BTN2A2: variants seen among roughly 807,000 people sequenced by gnomAD.
BTN2A2 encodes the protein butyrophilin subfamily 2 member A2.
Under a neutral mutation model 34.7 loss-of-function variants are expected in BTN2A2, and 29 were observed. The observed-to-expected ratio is 0.84, with a 90% CI of 0.62 to 1.14. The LOEUF is 1.14. BTN2A2 is among the 50% of genes most tolerant of loss of function. The pLI is 0.00. For missense variants in BTN2A2, 612 were observed against 651.5 expected, an observed-to-expected ratio of 0.94 and a Z score of 0.66; for synonymous variants, 240 against 253.1, an observed-to-expected ratio of 0.95 and a Z score of 0.49.
Position 26,392,569 on chromosome 6 carries a change from A to G in BTN2A2, c.1174A>G (p.Met392Val). The G allele has an allele frequency of 6.2e-7, 1 of 1,614,134 alleles. No individual in the cohort carries two copies. The highest frequency in any genetic ancestry group is 8.5e-7 in the Non-Finnish European group (1 of 1,180,002). The change falls in exon 8 of 8, where the codon ATG becomes GTG. Residue 392 changes from methionine to valine, a missense_variant. Met to Val is a conservative substitution (Grantham distance 21, BLOSUM62 1). Transcript: ENST00000356709. ...CTGGGAGGTGGAGGTGGAAAACGTG[A>G]TGGTGTGGACTGTGGGGGTCTGCAG... ...HYWEVEVENVMVWTVGVCRHS... is the reference protein window; with the variant it reads ...HYWEVEVENVVVWTVGVCRHS...
Position 26,390,054 on chromosome 6 carries a change from C to T in BTN2A2, c.774C>T (p.Ile258=), listed in dbSNP as rs1467533745. ...CCTGGATGGTGGCCCTAGCTGTCAT[C>T]CTGACCGCATCTCCCTGGATGGTGT... ...ASPWMVALAV[I]LTASPWMVSM... The change falls in exon 5 of 8, where the codon ATC becomes ATT. Residue 258 remains isoleucine, a synonymous_variant. Transcript: ENST00000356709. 1.3e-5 allele frequency: 21 copies of T among 1,614,044 alleles called. No homozygotes were observed. The highest frequency in any genetic ancestry group is 5.3e-5 in the African/African-American group (4 of 74,908).
rs562989262 is a variant in BTN2A2, at chr6:26,390,792, G to T, written c.953-11G>T. 1 of 1,614,116 alleles carries T rather than the reference G, an allele frequency of 6.2e-7. No individual in the cohort carries two copies. Among genetic ancestry groups the T allele is most frequent in the Non-Finnish European group, 8.5e-7 (1 of 1,180,048 alleles). ...TGTCTCGTGACATTCACCTCTGTCT[G>T]TCCCTTGCAGGATGGAGAAGAACAT... is the stretch of plus-strand genomic sequence containing the variant. On this transcript the variant is annotated splice_polypyrimidine_tract_variant and intron_variant, in intron 6 of 7. Coordinates refer to ENST00000356709, the MANE Select transcript of BTN2A2 (RefSeq NM_006995.5).
intron 3 of BTN2A2, 189 bp downstream of exon 3, chr6:26,385,551 T>TC (rs1761141447): frequency 1.7e-6 from 1 of 573,236 alleles, no homozygotes. Flanking sequence ...AGGTTTCACT[T>TC]CTTTTTTTTT....
intron 4 of BTN2A2, 70 bp downstream of exon 4, chr6:26,388,364 C>T (rs761744887): frequency 2.1e-5 from 33 of 1,561,432 alleles, no homozygotes; most frequent in Admixed American, 5.1e-5. Flanking sequence ...GAGCCCAGAG[C>T]GGGAATGGGG....
At chr6:26,390,551 G>C (rs1761511061) in intron 5 of BTN2A2, 136 bp from the exon 6 acceptor site, 1 of 1,090,318 alleles carries the variant, frequency 9.2e-7, no homozygotes, top group Non-Finnish European at 1.4e-6. Flanking sequence ...GCTGGTTTCT[G>C]ACTGTTCCTT....
intron 4 of BTN2A2, 69 bp downstream of exon 4, chr6:26,388,363 G>T (rs753508623): frequency 1.5e-4 from 232 of 1,565,126 alleles, no homozygotes; most frequent in Non-Finnish European, 2.0e-4. Context: ...GGAGCCCAGA[G>T]CGGGAATGGG....
intron 7 of BTN2A2, chr6:26,392,060 T>C (rs932676566): frequency 3.6e-5 from 25 of 693,534 alleles, no homozygotes; most frequent in Non-Finnish European, 5.2e-5. Context: ...ATATCTTGAA[T>C]AGAAAAGGGA....
Position 26,390,695 on chromosome 6 carries a change from C to G in BTN2A2, c.940C>G (p.Gln314Glu), listed in dbSNP as rs774177462. Residue 314 changes from glutamine (Q) to glutamate (E), a missense_variant, in exon 6 of 8, where the codon CAA becomes GAA. Coordinates refer to ENST00000356709, the MANE Select transcript of BTN2A2 (RefSeq NM_006995.5). The part of the protein sequence containing the change: ...QEEKEIAQQL[Q>E]EELRWRRTFL... ...CTGTATTTTGTTTTCAGAGCAACTT[C>G]AAGAAGAATTGCGTAAGTTTAGCCT... is the stretch of plus-strand genomic sequence containing the variant. The G allele has an allele frequency of 2.5e-6, 4 of 1,614,256 alleles. No homozygotes were observed. The highest frequency in any genetic ancestry group is 1.7e-5 in the Admixed American group (1 of 60,030).
At chr6:26,385,452 C>A in intron 3 of BTN2A2, 90 bp downstream of exon 3, 1 of 1,258,756 alleles carries the variant, frequency 7.9e-7, no homozygotes, top group Non-Finnish European at 1.1e-6. Context: ...TGCAGACCAA[C>A]GGATTTCTAT....
In BTN2A2 at chr6:26,393,483, C is replaced by G. The variant is rs940504437; in HGVS notation, c.*516C>G. 1 of 1,049,104 alleles carries G rather than the reference C, an allele frequency of 9.5e-7. No individual in the cohort carries two copies. The highest frequency in any genetic ancestry group is 1.7e-5 in the African/African-American group (1 of 58,822). 65.0% of individuals were successfully genotyped at this position (1,049,104 alleles called of 1,614,324 possible). On this transcript the variant is annotated 3_prime_UTR_variant, in exon 8 of 8. Transcript: ENST00000356709. The stretch of plus-strand genomic sequence containing the variant: ...ACCAAGGTTGTAAGGATGGCTAAGT[C>G]CCACCATAAGAGCTAAAGGGTCCTG...
At chr6:26,389,898 A>G in intron 4 of BTN2A2, 107 bp from the exon 5 acceptor site, 1 of 1,058,590 alleles carries the variant, frequency 9.4e-7, no homozygotes, top group Non-Finnish European at 1.4e-6. Flanking sequence ...CTGAGGGAGA[A>G]GCCAACAGAA....
At chr6:26,390,253 T>A in intron 5 of BTN2A2, 42 bp downstream of exon 5, 1 of 1,578,832 alleles carries the variant, frequency 6.3e-7, no homozygotes, top group African/African-American at 1.4e-5. Context: ...TAGAAAGAAA[T>A]TCAAAAAGAA....
In BTN2A2 at chr6:26,387,656, A is replaced by C. The variant is rs543367448; in HGVS notation, c.443-357A>C. On this transcript the variant is annotated intron_variant, in intron 3 of 7. Transcript: ENST00000356709. ...TAGTGTATTATTTTAGAGCTTCAGG[A>C]AATTGAGGTCTGCAGAGAAGTCATC... Among the ~76,000 whole-genome samples, 3 of 152,170 alleles carry C rather than the reference A, an allele frequency of 2.0e-5. No homozygotes were observed. In the South Asian group the frequency reaches 6.2e-4, roughly 32 times the overall value.
rs1253439525 is a variant in BTN2A2, at chr6:26,385,058, G to A, written c.138G>A (p.Met46Ile). The change falls in exon 3 of 8, where the codon ATG becomes ATA. Residue 46 changes from methionine (M) to isoleucine (I), a missense_variant. Physicochemically the swap from Met to Ile is conservative, Grantham distance 10. Transcript: ENST00000356709. ...VVGPANPILA[M>I]VGENTTLRCH... is the part of the protein sequence containing the mutation. ...GGCCAGCTAATCCCATCCTGGCCATGGTGGGAGAAAACACTACATTACGCT... is the reference window on the plus strand; with the variant it reads ...GGCCAGCTAATCCCATCCTGGCCATAGTGGGAGAAAACACTACATTACGCT... 3 of 1,613,836 alleles carry A rather than the reference G, an allele frequency of 1.9e-6. No homozygotes were observed. The highest frequency in any genetic ancestry group is 2.7e-5 in the African/African-American group (2 of 74,898).
Position 26,393,472 on chromosome 6 carries a change from G to T in BTN2A2, c.*505G>T. On this transcript the variant is annotated 3_prime_UTR_variant, in exon 8 of 8. Transcript: ENST00000356709. The stretch of plus-strand genomic sequence containing the variant: ...AGCTGGGAGGGACCAAGGTTGTAAG[G>T]ATGGCTAAGTCCCACCATAAGAGCT... The T allele has an allele frequency of 9.5e-7, 1 of 1,056,640 alleles. No homozygotes were observed. The allele number at this position is 1,056,640 out of a possible 1,614,324, so 65.5% of individuals were successfully genotyped here. A position where few individuals can be genotyped will look rare whatever the true frequency, so the allele number is the denominator to read the frequency against.
At position 26,391,003 on chromosome 6, in the gene BTN2A2, ACC is replaced by A; in HGVS notation, c.979+177_979+178del. On this transcript the variant is annotated intron_variant, in intron 7 of 7. Transcript: ENST00000356709. ...TGCATCATGGCTCTTCTGTCAGGGA[ACC>A]CCAGCAGCTCTTAATGAACCCTGCA... 3 of 935,562 alleles carry A rather than the reference ACC, an allele frequency of 3.2e-6. No homozygotes were observed. The South Asian group carries it at 4.3e-5, about 14-fold the overall frequency. 58.0% of individuals were successfully genotyped at this position (935,562 alleles called of 1,614,324 possible). A position where few individuals can be genotyped will look rare whatever the true frequency, so the allele number is the denominator to read the frequency against.
rs1038974337 is a variant in BTN2A2 at position 26,388,253 on chromosome 6, C to A, written c.683C>A (p.Thr228Asn). The change falls in exon 4 of 8, where the codon ACC (threonine) becomes AAC (asparagine). Residue 228 changes from threonine to asparagine, a missense_variant. Transcript: ENST00000356709. Reference sequence around the variant, plus strand: ...AATGTGTCCTGCTCTGTCAACAACACCCTGCTCGGCCAGGAGAAGGAAACT... The same window carrying A: ...AATGTGTCCTGCTCTGTCAACAACAACCTGCTCGGCCAGGAGAAGGAAACT... The part of the protein sequence containing the change: ...VRNVSCSVNN[T>N]LLGQEKETVI... The A allele has an allele frequency of 1.2e-6, 2 of 1,614,096 alleles. No homozygotes were observed. Among genetic ancestry groups the A allele is most frequent in the Admixed American group, 3.3e-5 (2 of 60,006 alleles).
At position 26,388,088 on chromosome 6, in the gene BTN2A2, G is replaced by T. The variant is rs765468627; in HGVS notation, c.518G>T (p.Gly173Val). The change falls in exon 4 of 8, where the codon GGG becomes GTG. Residue 173 changes from glycine (G) to valine (V), a missense_variant. Coordinates refer to ENST00000356709, the MANE Select transcript of BTN2A2 (RefSeq NM_006995.5). ...GSIWLECISGGWYPEPLTVWR... is the reference protein window; with the variant it reads ...GSIWLECISGVWYPEPLTVWR... ...ATCTGGCTGGAGTGCATATCTGGAGGGTGGTACCCAGAGCCCCTCACAGTG... is the reference window on the plus strand; with the variant it reads ...ATCTGGCTGGAGTGCATATCTGGAGTGTGGTACCCAGAGCCCCTCACAGTG... The T allele has an allele frequency of 2.5e-6, 4 of 1,613,978 alleles. No homozygotes were observed. Among genetic ancestry groups the T allele is most frequent in the African/African-American group, 1.3e-5 (1 of 74,894 alleles).
intron 3 of BTN2A2, 62 bp downstream of exon 3, chr6:26,385,424 C>G: frequency 6.7e-7 from 1 of 1,487,992 alleles, no homozygotes; most frequent in Admixed American, 1.9e-5. Context: ...AAAGTTTCTC[C>G]CTTAACCTCA....
Sources: gnomAD v4.1 joint callset for allele counts (sites outside exome capture counted in the v4.1 genomes callset) on GRCh38, gnomAD v4.1.1 for gene constraint, MANE v1.5 for transcripts, NCBI Gene and HGNC (gene_info 2026-07-23, HGNC 2026-07-21) for gene names.